Variants in HACD1 observed in about 807,000 individuals in gnomAD.
HACD1 encodes the protein 3-hydroxyacyl-CoA dehydratase 1.
HACD1 carries 41 observed loss-of-function variants against 32.0 expected under a neutral mutation model. That is an observed-to-expected ratio of 1.28 (90% confidence interval 1.00 to 1.66). The LOEUF (loss-of-function observed/expected upper bound fraction) is 1.66, where lower values mean the gene tolerates loss of function less well. HACD1 is among the 40% of genes most tolerant of loss of function. The probability of loss-of-function intolerance (pLI) is 0.00; values close to 1 mark genes in which losing one functional copy is unlikely to be tolerated. For synonymous variants in HACD1, 142 were observed against 139.0 expected (o/e 1.02, Z -0.15); for missense variants, 396 against 380.1 (o/e 1.04, Z -0.35).
intron 6 of HACD1, among the ~76,000 whole-genome samples, 173 bp downstream of exon 6, chr10:17,594,032 T>C (rs1833962817): frequency 6.6e-6 from 1 of 152,246 alleles, no homozygotes; most frequent in African/African-American, 2.4e-5. Flanking sequence ...AACTGTCTTC[T>C]GCCTCTATCT....
intron 1 of HACD1, among the ~76,000 whole-genome samples, chr10:17,605,287 G>A (rs1282715078): frequency 2.6e-5 from 4 of 152,164 alleles, no homozygotes; most frequent in African/African-American, 9.7e-5. Context: ...CACTTTGGGA[G>A]GCCGAGGCAG....
At chr10:17,593,584 G>T (rs45439500) in intron 6 of HACD1, among the ~76,000 whole-genome samples, 29,785 of 152,140 alleles carry the variant, frequency 0.2, 3,183 homozygotes, top group African/African-American at 0.22. Flanking sequence ...CAAAGTGCTG[G>T]GATTATAGGC....
chr10:17,612,893 G>GC (rs1318934236), intron 1 of HACD1, among the ~76,000 whole-genome samples: 2 of 148,164 alleles, frequency 1.3e-5, no homozygotes, highest in Non-Finnish European at 1.5e-5. Flanking sequence ...CTGCACTCCA[G>GC]CTGGGTGATA....
chr10:17,600,656 T>A (rs1834057466), intron 4 of HACD1, among the ~76,000 whole-genome samples: 1 of 152,248 alleles, frequency 6.6e-6, no homozygotes, highest in African/African-American at 2.4e-5. Flanking sequence ...ACTTTGTTCA[T>A]ATCTGTGTTG....
At chr10:17,590,708 A>G (rs1302669977) in intron 6 of HACD1, among the ~76,000 whole-genome samples, 1 of 152,008 alleles carries the variant, frequency 6.6e-6, no homozygotes, top group East Asian at 1.9e-4. Flanking sequence ...GTCTCACTCT[A>G]TTGCCCCAGC....
chr10:17,615,788 G>A (rs782094173), intron 1 of HACD1: 25 of 423,240 alleles, frequency 5.9e-5, no homozygotes, highest in Non-Finnish European at 1.1e-4. Flanking sequence ...CCAACATGGT[G>A]ATACCCTGTC....
intron 4 of HACD1, 119 bp from the exon 5 acceptor site, chr10:17,599,530 G>A (rs1834040643): frequency 7.1e-7 from 1 of 1,403,460 alleles, no homozygotes; most frequent in Admixed American, 3.0e-5. Context: ...TTAGGCAAAT[G>A]CAATATAGAA....
intron 1 of HACD1, among the ~76,000 whole-genome samples, chr10:17,613,929 G>A (rs1833029295): frequency 6.6e-6 from 1 of 152,170 alleles, no homozygotes; most frequent in Non-Finnish European, 1.5e-5. Flanking sequence ...TCAAATGCAA[G>A]TTGACTGGAA....
In HACD1 at chr10:17,590,193, G is replaced by C; in HGVS notation, c.*171C>G. 2.4e-6 allele frequency: 1 copy of C among 425,442 alleles called. No homozygotes were observed. The highest frequency in any genetic ancestry group is 4.2e-6 in the Non-Finnish European group (1 of 239,446). 26.4% of individuals were successfully genotyped at this position (425,442 alleles called of 1,614,324 possible). ...ATTTGCACAGTTCTTGTAAAAAATA[G>C]ATCTGGCACAAGAGGAACACAAATA... On this transcript the variant is annotated 3_prime_UTR_variant, in exon 7 of 7. Transcript: ENST00000361271.
At chr10:17,596,932 AT>A (rs1398532661) in intron 5 of HACD1, among the ~76,000 whole-genome samples, 5 of 152,240 alleles carry the variant, frequency 3.3e-5, no homozygotes, top group Non-Finnish European at 7.3e-5. Context: ...GTGTAGTTTT[AT>A]TCGAGAATGA....
chr10:17,611,868 G>A (rs1426751269), intron 1 of HACD1, among the ~76,000 whole-genome samples: 2 of 152,036 alleles, frequency 1.3e-5, no homozygotes, highest in East Asian at 1.9e-4. Context: ...TCGGGAGGCT[G>A]AGGCAGGAGA....
intron 6 of HACD1, among the ~76,000 whole-genome samples, chr10:17,593,121 G>T (rs1391583975): frequency 6.6e-6 from 1 of 152,048 alleles, no homozygotes; most frequent in Non-Finnish European, 1.5e-5. Flanking sequence ...AGTGAGCTGA[G>T]ATGGCGCCAC....
chr10:17,616,282 T>C (rs1176202030), intron 1 of HACD1, among the ~76,000 whole-genome samples: 2 of 151,818 alleles, frequency 1.3e-5, no homozygotes, highest in African/African-American at 4.8e-5. Context: ...AATAAATAAA[T>C]AATAAAAAGA....
rs113559320 is a variant in HACD1, at chr10:17,589,983, C to A, written c.*381G>T. 2.6e-3 allele frequency: 400 copies of A among 153,274 alleles called. No individual in the cohort carries two copies. Among genetic ancestry groups the A allele is most frequent in the African/African-American group, 9.3e-3 (389 of 41,610 alleles). 9.5% of individuals were successfully genotyped at this position (153,274 alleles called of 1,614,324 possible). A position where few individuals can be genotyped will look rare whatever the true frequency, so the allele number is the denominator to read the frequency against. ...GTTGTTATAATTTTGCATTTATTTTCATTTATAAATATCACATAAATATCA... is the reference window on the plus strand; with the variant it reads ...GTTGTTATAATTTTGCATTTATTTTAATTTATAAATATCACATAAATATCA... On this transcript the variant is annotated 3_prime_UTR_variant, in exon 7 of 7. Transcript: ENST00000361271.
chr10:17,590,927 G>A (rs1335116626), intron 6 of HACD1, among the ~76,000 whole-genome samples: 2 of 152,022 alleles, frequency 1.3e-5, no homozygotes, highest in African/African-American at 2.4e-5. Context: ...CGCCTGCCTC[G>A]GCCTCCCAAA....
intron 6 of HACD1, among the ~76,000 whole-genome samples, chr10:17,592,170 C>G (rs571515649): frequency 6.6e-6 from 1 of 151,430 alleles, no homozygotes; most frequent in Non-Finnish European, 1.5e-5. Flanking sequence ...TTAGTAGAGA[C>G]GGGGTTTCAC....
chr10:17,595,393 G>C (rs1219328960), intron 5 of HACD1, among the ~76,000 whole-genome samples: 1 of 152,156 alleles, frequency 6.6e-6, no homozygotes, highest in Non-Finnish European at 1.5e-5. Context: ...GCAGAAAACT[G>C]ATAATACCAC....
At chr10:17,599,175 CTA>C in intron 5 of HACD1, 113 bp downstream of exon 5, 1 of 1,495,718 alleles carries the variant, frequency 6.7e-7, no homozygotes, top group Non-Finnish European at 8.9e-7. Flanking sequence ...GTTATACCTC[CTA>C]TAACAGCATT....
chr10:17,590,633 C>G (rs1039749654), intron 6 of HACD1, among the ~76,000 whole-genome samples, 187 bp from the exon 7 acceptor site: 1 of 152,126 alleles, frequency 6.6e-6, no homozygotes, highest in Non-Finnish European at 1.5e-5. Context: ...CCTAAATATT[C>G]TAATGCTGTA....
Sources: allele counts gnomAD v4.1 joint callset (sites outside exome capture counted in the v4.1 genomes callset), GRCh38; gene constraint gnomAD v4.1.1; transcripts MANE v1.5; gene names NCBI Gene and HGNC (gene_info 2026-07-23, HGNC 2026-07-21).